Variants in MPDZ observed in about 807,000 individuals in gnomAD.
MPDZ encodes multiple PDZ domain crumbs cell polarity complex component, also known as multiple PDZ domain protein.
MPDZ carries 234 observed loss-of-function variants against 239.1 expected under a neutral mutation model. That is an observed-to-expected ratio of 0.98 (90% CI 0.88 to 1.09). MPDZ has a LOEUF of 1.09. Ranked by LOEUF, MPDZ falls within the 50% of genes least tolerant of loss-of-function variation. The pLI, the probability that MPDZ is intolerant of heterozygous loss-of-function variation, is 0.00. For missense variants in MPDZ, 3,175 were observed against 2,510.0 expected (o/e 1.26, Z -5.66); for synonymous variants, 1,048 against 881.3 (o/e 1.19, Z -3.35).
chr9:13,117,401 G>A (rs533590569), intron 39 of MPDZ, among the ~76,000 whole-genome samples: 4 of 151,958 alleles, frequency 2.6e-5, no homozygotes, highest in Non-Finnish European at 5.9e-5. Flanking sequence ...CGTGGTGGCA[G>A]GCGCCTGTAG....
At chr9:13,204,952 A>G in intron 12 of MPDZ, 84 bp downstream of exon 12, 1 of 901,570 alleles carries the variant, frequency 1.1e-6, no homozygotes, top group South Asian at 2.7e-5. Context: ...CAATATATCC[A>G]TAGAGGCTTA....
chr9:13,200,951 T>G (rs894148773), intron 12 of MPDZ, among the ~76,000 whole-genome samples: 2 of 152,082 alleles, frequency 1.3e-5, no homozygotes, highest in African/African-American at 2.4e-5. Flanking sequence ...GAAGTCTCAC[T>G]GATGTTTTAC....
chr9:13,114,668 G>C (rs576225748), intron 40 of MPDZ, among the ~76,000 whole-genome samples: 1 of 152,276 alleles, frequency 6.6e-6, no homozygotes, highest in South Asian at 2.1e-4. Flanking sequence ...TTGGGAGGCT[G>C]AGGCGGGTGG....
chr9:13,224,630 T>C, intron 3 of MPDZ, 47 bp from the exon 4 acceptor site: 1 of 1,276,938 alleles, frequency 7.8e-7, no homozygotes, highest in Non-Finnish European at 1.1e-6. Flanking sequence ...TTCCATAAAC[T>C]ATTTCATAGA....
Position 13,122,114 on chromosome 9 carries a change from T to G in MPDZ, c.5010A>C (p.Arg1670Ser), listed in dbSNP as rs1456718524. Residue 1670 changes from arginine to serine, a missense_variant, in exon 37 of 47, where the codon AGA (arginine) becomes AGC (serine). Coordinates refer to ENST00000319217, the MANE Select transcript of MPDZ (RefSeq NM_001378778.1). ...CTAAGATCTGATCTCCAGCCCAGAG[T>G]CTTCCATCTTTACATGCTGCTCCTT... is the stretch of plus-strand genomic sequence containing the variant. ...YEEGAACKDG[R>S]LWAGDQILEV... 1.9e-6 allele frequency: 3 copies of G among 1,613,924 alleles called. No individual in the cohort carries two copies. Among genetic ancestry groups the G allele is most frequent in the Non-Finnish European group, 2.5e-6 (3 of 1,179,914 alleles).
At chr9:13,182,665 T>A (rs561270549) in intron 19 of MPDZ, among the ~76,000 whole-genome samples, 1 of 151,982 alleles carries the variant, frequency 6.6e-6, no homozygotes, top group African/African-American at 2.4e-5. Flanking sequence ...GCCAATATTA[T>A]GAAAAAAACA....
Position 13,219,784 on chromosome 9 carries a change from T to C in MPDZ, c.877-16A>G, listed in dbSNP as rs959624963. 26 of 1,608,450 alleles carry C rather than the reference T, an allele frequency of 1.6e-5. No individual in the cohort carries two copies. Among genetic ancestry groups the C allele is most frequent in the Non-Finnish European group, 2.1e-5 (25 of 1,175,980 alleles). ...AACGCCCATGCTGAGTAAAACAATA[T>C]TGAATAATTAGACTATTATTATTTT... On this transcript the variant is annotated splice_polypyrimidine_tract_variant and intron_variant, in intron 7 of 46. Coordinates refer to ENST00000319217, the MANE Select transcript of MPDZ (RefSeq NM_001378778.1).
At chr9:13,140,964 T>C (rs1325551648) in intron 27 of MPDZ, 2 of 152,096 alleles carry the variant, frequency 1.3e-5, no homozygotes, top group East Asian at 1.9e-4. Flanking sequence ...GTGAGCGGCA[T>C]GGTTTTAAGG....
chr9:13,183,946 T>A (rs1314562197), intron 18 of MPDZ, among the ~76,000 whole-genome samples: 1 of 152,148 alleles, frequency 6.6e-6, no homozygotes, highest in South Asian at 2.1e-4. Context: ...AATTGTGTCA[T>A]AATTTTTCCT....
chr9:13,109,139 C>T, intron 45 of MPDZ, 80 bp from the exon 46 acceptor site: 2 of 1,088,736 alleles, frequency 1.8e-6, no homozygotes, highest in Non-Finnish European at 2.4e-6. Context: ...ATCTGACATC[C>T]ACCTAGAGCT....
intron 2 of MPDZ, 109 bp downstream of exon 2, chr9:13,250,191 C>G: frequency 9.8e-7 from 1 of 1,024,180 alleles, no homozygotes; most frequent in Non-Finnish European, 1.4e-6. Flanking sequence ...CTTTTTAAAT[C>G]TAGATACCAT....
rs777390403 is a variant in MPDZ at position 13,224,602 on chromosome 9, T to C, written c.184-19A>G. Reference sequence around the variant, plus strand: ...TATTTACCTAAGAGTAATGCAGGGATTATTAAGAATTTTGACATTCCATAA... The same window carrying C: ...TATTTACCTAAGAGTAATGCAGGGACTATTAAGAATTTTGACATTCCATAA... On this transcript the variant is annotated intron_variant, in intron 3 of 46. Coordinates refer to ENST00000319217, the MANE Select transcript of MPDZ (RefSeq NM_001378778.1). 13 of 1,508,260 alleles carry C rather than the reference T, an allele frequency of 8.6e-6. No homozygotes were observed. The African/African-American group carries it at 1.7e-4, about 19-fold the overall frequency. The allele number at this position is 1,508,260 out of a possible 1,614,324, so 93.4% of individuals were successfully genotyped here.
At position 13,152,701 on chromosome 9, in the gene MPDZ, T is replaced by C. The variant is rs545385740; in HGVS notation, c.3453-2013A>G. Among the ~76,000 whole-genome samples the C allele has an allele frequency of 2.6e-5, 4 of 152,126 alleles. No individual in the cohort carries two copies. In the East Asian group the frequency reaches 7.8e-4, roughly 30 times the overall value. On this transcript the variant is annotated intron_variant, in intron 24 of 46. Coordinates refer to ENST00000319217, the MANE Select transcript of MPDZ (RefSeq NM_001378778.1). The stretch of plus-strand genomic sequence containing the variant: ...TCTCTCCACTCTAGCTACCACATCA[T>C]CTCCTTACTATTCCTTAAGTTCATC...
At chr9:13,219,504 C>T (rs1010137539) in intron 8 of MPDZ, 55 bp downstream of exon 8, 30 of 1,466,788 alleles carry the variant, frequency 2.0e-5, no homozygotes, top group Non-Finnish European at 2.6e-5. Context: ...ACATCACTGT[C>T]GTCATCTAAG....
intron 38 of MPDZ, among the ~76,000 whole-genome samples, chr9:13,120,914 A>C (rs952933281): frequency 1.3e-5 from 2 of 152,226 alleles, no homozygotes; most frequent in Non-Finnish European, 2.9e-5. Flanking sequence ...TTTTTACTGA[A>C]TGCTGACTTC....
At chr9:13,182,538 G>A (rs1438099971) in intron 19 of MPDZ, among the ~76,000 whole-genome samples, 1 of 151,914 alleles carries the variant, frequency 6.6e-6, no homozygotes, top group Non-Finnish European at 1.5e-5. Context: ...ATGTTGAATT[G>A]CTTTGCATAT....
rs1462178983 is a variant in MPDZ, at chr9:13,143,578, T to C, written c.3742-14A>G. ...CAAAGGGGATTTCTAAAAGGAAACA[T>C]AAGAGGCGCTGAACGCAAAGGAAAT... On this transcript the variant is annotated splice_polypyrimidine_tract_variant and intron_variant, in intron 26 of 46. Transcript: ENST00000319217. 6 of 1,597,612 alleles carry C rather than the reference T, an allele frequency of 3.8e-6. No individual in the cohort carries two copies. The Admixed American group carries it at 8.3e-5, about 22-fold the overall frequency.
chr9:13,113,840 G>A lies in MPDZ; in HGVS notation c.5557+91C>T, dbSNP rs372343632. On this transcript the variant is annotated intron_variant, in intron 41 of 46. Transcript: ENST00000319217. ...CTATATTTGGATATGGGATGATTTG[G>A]GGGAAAAGAAAGCTCAGAGGTAAAC... 44 of 974,296 alleles carry A rather than the reference G, an allele frequency of 4.5e-5. No individual in the cohort carries two copies. In the Middle Eastern group the frequency reaches 6.6e-4, roughly 15 times the overall value. 60.4% of individuals were successfully genotyped at this position (974,296 alleles called of 1,614,324 possible).
intron 3 of MPDZ, among the ~76,000 whole-genome samples, chr9:13,245,834 C>A (rs1486380883): frequency 6.6e-6 from 1 of 152,086 alleles, no homozygotes; most frequent in African/African-American, 2.4e-5. Context: ...GCTTAATAGG[C>A]CGGCCTATTT....
Sources: gnomAD v4.1 joint callset for allele counts (sites outside exome capture counted in the v4.1 genomes callset) on GRCh38, gnomAD v4.1.1 for gene constraint, MANE v1.5 for transcripts, NCBI Gene and HGNC (gene_info 2026-07-23, HGNC 2026-07-21) for gene names.